The following RPH3A variants were observed in gnomAD, a reference collection of about 807,000 sequenced individuals.
The protein encoded by RPH3A is rabphilin-3A.
A neutral mutation model predicts 102.2 loss-of-function variants in RPH3A; 48 were observed. That is an observed-to-expected ratio of 0.47 (90% CI 0.37 to 0.60). The LOEUF is 0.60. Ranked by LOEUF, RPH3A falls within the 20% of genes least tolerant of loss-of-function variation. The pLI, the probability that RPH3A is intolerant of heterozygous loss-of-function variation, is 0.00. For synonymous variants in RPH3A, 310 were observed against 324.3 expected, an observed-to-expected ratio of 0.96 and a Z score of 0.47; for missense variants, 781 against 910.1, an observed-to-expected ratio of 0.86 and a Z score of 1.83.
intron 1 of RPH3A, among the ~76,000 whole-genome samples, chr12:112,638,269 T>G (rs980514915): frequency 8.5e-5 from 13 of 152,166 alleles, no homozygotes; most frequent in African/African-American, 3.1e-4. Flanking sequence ...TGCCCATTCT[T>G]CCAGCCAACA....
intron 1 of RPH3A, among the ~76,000 whole-genome samples, chr12:112,660,086 A>G (rs1336923734): frequency 6.6e-6 from 1 of 152,208 alleles, no homozygotes; most frequent in African/African-American, 2.4e-5. Flanking sequence ...ATATAAGCAC[A>G]CATACATATG....
At chr12:112,628,372 G>C (rs759548235) in intron 1 of RPH3A, among the ~76,000 whole-genome samples, 1 of 151,630 alleles carries the variant, frequency 6.6e-6, no homozygotes, top group East Asian at 1.9e-4. Flanking sequence ...AGAGTAATGA[G>C]AGACAAAGTC....
At chr12:112,852,713 G>T (rs1196265359) in intron 5 of RPH3A, among the ~76,000 whole-genome samples, 1 of 152,120 alleles carries the variant, frequency 6.6e-6, no homozygotes, top group Non-Finnish European at 1.5e-5. Context: ...GCATAAAAGG[G>T]CCCCTTTGTG....
chr12:112,768,931 T>C (rs1047565596), intron 1 of RPH3A, among the ~76,000 whole-genome samples: 2 of 152,082 alleles, frequency 1.3e-5, no homozygotes, highest in Admixed American at 6.6e-5. Flanking sequence ...AAATAGCATA[T>C]ATGAAAAACA....
intron 1 of RPH3A, among the ~76,000 whole-genome samples, chr12:112,698,869 C>T (rs2040371647): frequency 6.7e-6 from 1 of 150,046 alleles, no homozygotes; most frequent in Admixed American, 6.6e-5. Flanking sequence ...TCCCCTTCCC[C>T]TTCCCCTTCC....
Position 112,862,758 on chromosome 12 carries a change from C to A in RPH3A, c.231-2656C>A, listed in dbSNP as rs564913978. Among the ~76,000 whole-genome samples the A allele has an allele frequency of 1.8e-4, 27 of 152,328 alleles. No homozygotes were observed. In the South Asian group the frequency reaches 5.6e-3, roughly 32 times the overall value. On this transcript the variant is annotated intron_variant, in intron 5 of 21. Coordinates refer to ENST00000389385, the MANE Select transcript of RPH3A (RefSeq NM_001143854.2). ...TCCCTGGGCAGGGCAGCACCTCTCT[C>A]GAATGGAACACAAAGGGATAAGCTG...
chr12:112,850,075 C>A (rs1024023594), intron 5 of RPH3A, among the ~76,000 whole-genome samples: 4 of 152,156 alleles, frequency 2.6e-5, no homozygotes, highest in Non-Finnish European at 4.4e-5. Context: ...GGTGGCAGAG[C>A]ATTGTGGTTA....
chr12:112,599,452 T>A (rs1157877847), intron 1 of RPH3A, among the ~76,000 whole-genome samples: 1 of 152,224 alleles, frequency 6.6e-6, no homozygotes, highest in African/African-American at 2.4e-5. Flanking sequence ...TGTGGTTACA[T>A]TTTAATATTT....
intron 1 of RPH3A, among the ~76,000 whole-genome samples, chr12:112,612,829 G>T (rs1160719401): frequency 6.6e-6 from 1 of 151,910 alleles, no homozygotes; most frequent in Non-Finnish European, 1.5e-5. Flanking sequence ...GCCTGCCTCA[G>T]CTTCCCAAAG....
At chr12:112,786,189 G>A (rs932959604) in intron 1 of RPH3A, among the ~76,000 whole-genome samples, 6 of 152,050 alleles carry the variant, frequency 3.9e-5, no homozygotes, top group Non-Finnish European at 7.4e-5. Context: ...GCCTGGTAAC[G>A]TGGAATTGAC....
chr12:112,686,443 A>G (rs1040969114), intron 1 of RPH3A, among the ~76,000 whole-genome samples: 1 of 152,204 alleles, frequency 6.6e-6, no homozygotes, highest in Non-Finnish European at 1.5e-5. Context: ...CCAATGAGAC[A>G]TTACCAAATA....
At chr12:112,639,002 T>C (rs547513798) in intron 1 of RPH3A, among the ~76,000 whole-genome samples, 24 of 152,306 alleles carry the variant, frequency 1.6e-4, no homozygotes, top group South Asian at 8.3e-4. Flanking sequence ...TAAGTGATCA[T>C]AGCCTATGTG....
intron 16 of RPH3A, among the ~76,000 whole-genome samples, chr12:112,883,640 G>T (rs1397554952): frequency 6.6e-6 from 1 of 151,802 alleles, no homozygotes; most frequent in East Asian, 1.9e-4. Flanking sequence ...CGTTCAGGGG[G>T]TGTGTGTTGG....
At position 112,897,427 on chromosome 12, in the gene RPH3A, T is replaced by C. The variant is rs1009217030; in HGVS notation, c.*647T>C. 4 of 152,440 alleles carry C rather than the reference T, an allele frequency of 2.6e-5. No individual in the cohort carries two copies. Among genetic ancestry groups the C allele is most frequent in the Admixed American group, 6.5e-5 (1 of 15,278 alleles). The allele number at this position is 152,440 out of a possible 1,614,324, so 9.4% of individuals were successfully genotyped here. ...CTCTCCTCTTTCCGAATGTCACCTG[T>C]GTGCTTCCTAGCAAAACAAAAACAA... On this transcript the variant is annotated 3_prime_UTR_variant, in exon 22 of 22. Transcript: ENST00000389385.
chr12:112,815,602 G>A (rs936092531), intron 2 of RPH3A, among the ~76,000 whole-genome samples: 4 of 152,216 alleles, frequency 2.6e-5, no homozygotes, highest in Admixed American at 6.5e-5. Context: ...GGAGCAGGAC[G>A]CCATTTGTGG....
At chr12:112,737,325 C>T (rs772287689) in intron 1 of RPH3A, among the ~76,000 whole-genome samples, 5 of 152,046 alleles carry the variant, frequency 3.3e-5, no homozygotes, top group Admixed American at 6.5e-5. Context: ...CTCACTTAGC[C>T]TCAGTTTCCC....
intron 1 of RPH3A, among the ~76,000 whole-genome samples, chr12:112,685,008 T>A (rs1240571696): frequency 6.6e-6 from 1 of 152,210 alleles, no homozygotes; most frequent in Non-Finnish European, 1.5e-5. Flanking sequence ...TGAAGTGGCA[T>A]GATCATGGCC....
At chr12:112,851,889 G>T (rs1232738932) in intron 5 of RPH3A, among the ~76,000 whole-genome samples, 1 of 152,178 alleles carries the variant, frequency 6.6e-6, no homozygotes, top group East Asian at 1.9e-4. Flanking sequence ...AGGACACTTT[G>T]CTCACAAGAA....
chr12:112,584,757 G>T (rs2039426377), intron 1 of RPH3A, among the ~76,000 whole-genome samples: 3 of 152,178 alleles, frequency 2.0e-5, no homozygotes, highest in African/African-American at 7.2e-5. Context: ...AACTGAGGAC[G>T]CCTAGGGGAG....
Sources: allele counts gnomAD v4.1 joint callset (sites outside exome capture counted in the v4.1 genomes callset), GRCh38; gene constraint gnomAD v4.1.1; transcripts MANE v1.5; gene names NCBI Gene and HGNC (gene_info 2026-07-23, HGNC 2026-07-21).